Variants in NRCAM observed in about 807,000 individuals in gnomAD.
NRCAM encodes the protein neuronal cell adhesion molecule.
A neutral mutation model predicts 156.5 loss-of-function variants in NRCAM; 83 were observed. The ratio of observed to expected loss-of-function variants is 0.53; its 90% CI spans 0.44 to 0.64. NRCAM has a LOEUF of 0.64. NRCAM is among the 30% of genes least tolerant of loss of function. The pLI is 0.00. For synonymous variants in NRCAM, 538 were observed against 563.9 expected (o/e 0.95, Z 0.65); for missense variants, 1,417 against 1,597.3 (o/e 0.89, Z 1.92).
At position 108,399,537 on chromosome 7, in the gene NRCAM, C is replaced by T. The variant is rs558501837; in HGVS notation, c.-275G>A. 4 of 152,140 alleles carry T rather than the reference C, an allele frequency of 2.6e-5. No homozygotes were observed. Among genetic ancestry groups the T allele is most frequent in the Admixed American group, 2.6e-4 (4 of 15,278 alleles). 9.4% of individuals were successfully genotyped at this position (152,140 alleles called of 1,614,324 possible). On this transcript the variant is annotated 5_prime_UTR_variant, in exon 2 of 33. Coordinates refer to ENST00000379028, the MANE Select transcript of NRCAM (RefSeq NM_001037132.4). ...GCCAACAGCTAAGACCAGCTTTTGTCGAAGTCTTCAGCAAACAGGGGATAA... is the reference window on the plus strand; with the variant it reads ...GCCAACAGCTAAGACCAGCTTTTGTTGAAGTCTTCAGCAAACAGGGGATAA...
chr7:108,234,515 T>C, intron 6 of NRCAM, 68 bp downstream of exon 6: 1 of 991,202 alleles, frequency 1.0e-6, no homozygotes, highest in East Asian at 2.4e-5. Flanking sequence ...TTCCCAAACA[T>C]ATTTCTCTAT....
chr7:108,431,720 G>C (rs1442504504), intron 1 of NRCAM, among the ~76,000 whole-genome samples: 1 of 152,186 alleles, frequency 6.6e-6, no homozygotes, highest in Non-Finnish European at 1.5e-5. Context: ...GGGAGGTCGA[G>C]GCTGCAGTGA....
intron 3 of NRCAM, among the ~76,000 whole-genome samples, chr7:108,260,614 AC>A (rs1314599561): frequency 6.6e-6 from 1 of 151,734 alleles, no homozygotes; most frequent in Non-Finnish European, 1.5e-5. Flanking sequence ...TCTAAGATTC[AC>A]CCCCTTGCTC....
chr7:108,265,982 C>T (rs1348799430), intron 3 of NRCAM, among the ~76,000 whole-genome samples: 1 of 152,242 alleles, frequency 6.6e-6, no homozygotes, highest in Non-Finnish European at 1.5e-5. Flanking sequence ...TTGAATAGCT[C>T]TGAACTGTGT....
chr7:108,355,617 C>T (rs2099489078), intron 2 of NRCAM, among the ~76,000 whole-genome samples: 1 of 152,198 alleles, frequency 6.6e-6, no homozygotes, highest in Non-Finnish European at 1.5e-5. Flanking sequence ...TCATTCTGAG[C>T]AACATGATGA....
At chr7:108,341,221 G>A (rs567725213) in intron 2 of NRCAM, among the ~76,000 whole-genome samples, 5 of 152,310 alleles carry the variant, frequency 3.3e-5, no homozygotes, top group African/African-American at 7.2e-5. Flanking sequence ...CAGATGATCC[G>A]GCAGCAGGAC....
intron 28 of NRCAM, 105 bp downstream of exon 28, chr7:108,175,217 G>A: frequency 7.8e-6 from 6 of 772,662 alleles, no homozygotes; most frequent in Non-Finnish European, 9.9e-6. Context: ...CTCTTCTTTT[G>A]GTGGTTCAAA....
chr7:108,386,180 A>C (rs527566659), intron 2 of NRCAM, among the ~76,000 whole-genome samples: 1 of 152,292 alleles, frequency 6.6e-6, no homozygotes, highest in African/African-American at 2.4e-5. Context: ...ATAGCTCCAG[A>C]GCCAGGCATT....
chr7:108,379,523 T>C (rs2099691908), intron 2 of NRCAM, among the ~76,000 whole-genome samples: 2 of 152,162 alleles, frequency 1.3e-5, no homozygotes, highest in Admixed American at 6.6e-5. Flanking sequence ...TGAAGAGTTC[T>C]GGAGATTGGT....
intron 11 of NRCAM, among the ~76,000 whole-genome samples, chr7:108,218,339 G>T (rs990041120): frequency 6.6e-6 from 1 of 152,120 alleles, no homozygotes; most frequent in Admixed American, 6.5e-5. Flanking sequence ...CTTCTGCATC[G>T]ATCTTGCTGG....
In NRCAM at chr7:108,395,711, T is replaced by G. The variant is rs535391664; in HGVS notation, c.-174+3725A>C. Among the ~76,000 whole-genome samples, 9 of 152,298 alleles carry G rather than the reference T, an allele frequency of 5.9e-5. No individual in the cohort carries two copies. The East Asian group carries it at 1.7e-3, about 29-fold the overall frequency. On this transcript the variant is annotated intron_variant, in intron 2 of 32. Coordinates refer to ENST00000379028, the MANE Select transcript of NRCAM (RefSeq NM_001037132.4). ...CAGTGCTGTTCCAAACTCTGAATAC[T>G]TCTAAGTGGCAACTCCAAAACTAAC...
rs185080615 is a variant in NRCAM, at chr7:108,200,035, G to T, written c.1208-1936C>A. Reference sequence around the variant, plus strand: ...AGTTACTCCTCATGGACTGATTAACGTCTTCATTCCCAAGGAAAAATGTAA... The same window carrying T: ...AGTTACTCCTCATGGACTGATTAACTTCTTCATTCCCAAGGAAAAATGTAA... On this transcript the variant is annotated intron_variant, in intron 13 of 32. Transcript: ENST00000379028. Among the ~76,000 whole-genome samples, 4 of 152,142 alleles carry T rather than the reference G, an allele frequency of 2.6e-5. No homozygotes were observed. In the South Asian group the frequency reaches 6.2e-4, roughly 24 times the overall value.
At chr7:108,415,839 G>A (rs566300074) in intron 1 of NRCAM, among the ~76,000 whole-genome samples, 3 of 152,324 alleles carry the variant, frequency 2.0e-5, no homozygotes, top group South Asian at 2.1e-4. Flanking sequence ...CTGATATCAC[G>A]CCATTGCGCT....
intron 13 of NRCAM, among the ~76,000 whole-genome samples, chr7:108,202,249 G>C (rs1412429837): frequency 2.0e-5 from 3 of 152,138 alleles, no homozygotes; most frequent in African/African-American, 7.2e-5. Flanking sequence ...CAACTCTCCT[G>C]ATGTTGGTAG....
intron 3 of NRCAM, among the ~76,000 whole-genome samples, chr7:108,262,643 C>A (rs1348840837): frequency 6.6e-6 from 1 of 152,214 alleles, no homozygotes; most frequent in Non-Finnish European, 1.5e-5. Context: ...ATAGGACACA[C>A]TTTACATAAG....
intron 2 of NRCAM, among the ~76,000 whole-genome samples, chr7:108,353,476 C>T (rs2099442868): frequency 1.1e-5 from 1 of 91,874 alleles, no homozygotes; most frequent in African/African-American, 4.1e-5. Context: ...TGTGCCACCA[C>T]ACCCAGATAA....
chr7:108,331,419 T>C (rs144357627), intron 2 of NRCAM, among the ~76,000 whole-genome samples: 2 of 151,234 alleles, frequency 1.3e-5, no homozygotes, highest in African/African-American at 4.9e-5. Context: ...AAAAAAAAAA[T>C]AGATATAATC....
At chr7:108,222,607 G>A (rs545528083) in intron 11 of NRCAM, among the ~76,000 whole-genome samples, 1 of 151,966 alleles carries the variant, frequency 6.6e-6, no homozygotes. Flanking sequence ...TTAAAAGGGG[G>A]TTTTGCTAGT....
chr7:108,355,909 A>T (rs575146403), intron 2 of NRCAM, among the ~76,000 whole-genome samples: 1 of 152,030 alleles, frequency 6.6e-6, no homozygotes, highest in Non-Finnish European at 1.5e-5. Flanking sequence ...ACATCATCAC[A>T]AGAAGGGTGA....
Sources: gnomAD v4.1 joint callset for allele counts (sites outside exome capture counted in the v4.1 genomes callset) on GRCh38, gnomAD v4.1.1 for gene constraint, MANE v1.5 for transcripts, NCBI Gene and HGNC (gene_info 2026-07-23, HGNC 2026-07-21) for gene names.